ENPEP: variants seen among roughly 807,000 people sequenced by gnomAD.
ENPEP encodes glutamyl aminopeptidase.
Under a neutral mutation model 114.5 loss-of-function variants are expected in ENPEP, and 103 were observed. The observed-to-expected ratio is 0.90, with a 90% CI of 0.77 to 1.06. The LOEUF is 1.06. Among genes scored for constraint, ENPEP ranks in the 50% least tolerant of loss-of-function variants. ENPEP has a pLI of 0.00. For missense variants in ENPEP, 1,196 were observed against 1,161.3 expected (o/e 1.03, Z -0.43); for synonymous variants, 420 against 422.0 (o/e 1.00, Z 0.06).
At position 110,523,119 on chromosome 4, in the gene ENPEP, T is replaced by A. The variant is rs1055300385; in HGVS notation, c.1727+2753T>A. Among the ~76,000 whole-genome samples the A allele has an allele frequency of 2.0e-5, 3 of 152,106 alleles. No individual in the cohort carries two copies. The South Asian group carries it at 6.2e-4, about 32-fold the overall frequency. ...AATTCTCTCCAGTGGGTAGTGCGGT[T>A]GGGAAGATGAAAAAAACTTGAGGAT... On this transcript the variant is annotated intron_variant, in intron 10 of 19. Transcript: ENST00000265162.
At chr4:110,517,471 A>G (rs543690503) in intron 8 of ENPEP, among the ~76,000 whole-genome samples, 4 of 152,354 alleles carry the variant, frequency 2.6e-5, no homozygotes, top group South Asian at 2.1e-4. Context: ...TGTAATTAAT[A>G]AATAACAATT....
intron 11 of ENPEP, among the ~76,000 whole-genome samples, chr4:110,532,034 A>G (rs555941402): frequency 6.6e-6 from 1 of 152,182 alleles, no homozygotes; most frequent in East Asian, 1.9e-4. Flanking sequence ...CTAGTTGCTC[A>G]TGTAAAATAT....
chr4:110,515,810 C>T (rs1449667448), intron 8 of ENPEP: 1 of 457,946 alleles, frequency 2.2e-6, no homozygotes. Flanking sequence ...GATCAAAGTG[C>T]TGGCTGATTC....
chr4:110,476,582 T>G lies in ENPEP; in HGVS notation c.168T>G (p.Ala56=), dbSNP rs1323410650. Residue 56 remains alanine, a synonymous_variant, in exon 1 of 20, where the codon GCT becomes GCG. Coordinates refer to ENST00000265162, the MANE Select transcript of ENPEP (RefSeq NM_001977.4). ...SGDGGPGTAP[A]PSHLPSSTAS... is the part of the protein sequence containing the mutation. ...ACGGCGGGCCGGGCACTGCGCCAGC[T>G]CCTTCCCACCTGCCTTCTTCCACGG... 6.2e-7 allele frequency: 1 copy of G among 1,614,012 alleles called. No individual in the cohort carries two copies. The highest frequency in any genetic ancestry group is 8.5e-7 in the Non-Finnish European group (1 of 1,179,926).
At chr4:110,544,366 T>C (rs867846850) in intron 13 of ENPEP, among the ~76,000 whole-genome samples, 15 of 152,208 alleles carry the variant, frequency 9.9e-5, no homozygotes, top group Middle Eastern at 3.4e-3. Context: ...TAATTAGTAG[T>C]GAAGATGCGT....
chr4:110,548,688 AATATT>A (rs1727171486), intron 14 of ENPEP, among the ~76,000 whole-genome samples: 1 of 152,074 alleles, frequency 6.6e-6, no homozygotes, highest in African/African-American at 2.4e-5. Context: ...TCTAAAATAT[AATATT>A]ATATCTTCTT....
intron 4 of ENPEP, 52 bp downstream of exon 4, chr4:110,506,809 C>T: frequency 7.5e-7 from 1 of 1,326,332 alleles, no homozygotes; most frequent in Non-Finnish European, 1.0e-6. Context: ...TTGTTTTTAT[C>T]TAAGTTAACT....
At chr4:110,525,544 C>A (rs1726164075) in intron 10 of ENPEP, among the ~76,000 whole-genome samples, 1 of 152,206 alleles carries the variant, frequency 6.6e-6, no homozygotes, top group Admixed American at 6.5e-5. Flanking sequence ...GACACTTTGT[C>A]TTCTTTTTCT....
chr4:110,498,497 A>G (rs762277209), intron 3 of ENPEP, among the ~76,000 whole-genome samples: 1 of 152,218 alleles, frequency 6.6e-6, no homozygotes, highest in Non-Finnish European at 1.5e-5. Context: ...GGTGTTATTA[A>G]TTAAGCTGGA....
chr4:110,545,590 G>A, intron 13 of ENPEP, among the ~76,000 whole-genome samples: 1 of 152,032 alleles, frequency 6.6e-6, no homozygotes, highest in East Asian at 1.9e-4. Flanking sequence ...TTAAGGCAAA[G>A]AGAACAGGGT....
At chr4:110,502,036 T>A (rs115035112) in intron 3 of ENPEP, among the ~76,000 whole-genome samples, 6,063 of 152,292 alleles carry the variant, frequency 0.04, 180 homozygotes, top group Non-Finnish European at 0.062. Context: ...TAATGATTAG[T>A]CATGTTGAGC....
intron 2 of ENPEP, among the ~76,000 whole-genome samples, chr4:110,489,325 C>T (rs190422333): frequency 6.6e-5 from 10 of 152,030 alleles, no homozygotes; most frequent in African/African-American, 9.6e-5. Flanking sequence ...AACCAAACAC[C>T]GCATGTTCTC....
At chr4:110,483,335 TG>T (rs956880055) in intron 1 of ENPEP, among the ~76,000 whole-genome samples, 28 of 152,230 alleles carry the variant, frequency 1.8e-4, no homozygotes, top group African/African-American at 6.0e-4. Context: ...AGAAGCTCTG[TG>T]TTTAAGGATT....
At chr4:110,549,993 C>A in intron 17 of ENPEP, 107 bp downstream of exon 17, 7 of 1,129,840 alleles carry the variant, frequency 6.2e-6, no homozygotes, top group Non-Finnish European at 7.3e-6. Context: ...CCAAAAAAAT[C>A]CATTAAAAGT....
chr4:110,539,960 C>T (rs1457818999), intron 11 of ENPEP, among the ~76,000 whole-genome samples: 1 of 151,948 alleles, frequency 6.6e-6, no homozygotes, highest in Non-Finnish European at 1.5e-5. Flanking sequence ...ATTAAAGAGG[C>T]TCTCGATGAA....
intron 13 of ENPEP, among the ~76,000 whole-genome samples, chr4:110,547,921 T>G (rs1201713605): frequency 6.6e-6 from 1 of 152,028 alleles, no homozygotes; most frequent in Non-Finnish European, 1.5e-5. Context: ...TGTTGTGCTT[T>G]TTCAAATGTA....
chr4:110,532,205 A>G (rs1445037917), intron 11 of ENPEP, among the ~76,000 whole-genome samples: 2 of 152,156 alleles, frequency 1.3e-5, no homozygotes. Flanking sequence ...GTATTCACAG[A>G]TGTGTAATCA....
At chr4:110,495,851 AT>A (rs1385474626) in intron 3 of ENPEP, among the ~76,000 whole-genome samples, 1 of 152,234 alleles carries the variant, frequency 6.6e-6, no homozygotes, top group Non-Finnish European at 1.5e-5. Flanking sequence ...ATAAAGAAGT[AT>A]GTGCAAAAAC....
At chr4:110,487,135 A>G (rs989705317) in intron 1 of ENPEP, among the ~76,000 whole-genome samples, 10 of 152,206 alleles carry the variant, frequency 6.6e-5, no homozygotes, top group African/African-American at 2.4e-4. Flanking sequence ...TACAGTAGTA[A>G]TGTTATCCCC....
Sources: gnomAD v4.1 joint callset for allele counts (sites outside exome capture counted in the v4.1 genomes callset) on GRCh38, gnomAD v4.1.1 for gene constraint, MANE v1.5 for transcripts, NCBI Gene and HGNC (gene_info 2026-07-23, HGNC 2026-07-21) for gene names.